ADGRV1: variants seen among roughly 807,000 people sequenced by gnomAD.
ADGRV1 encodes G-protein coupled receptor 98.
ADGRV1 carries 359 observed loss-of-function variants against 596.2 expected under a neutral mutation model. The observed-to-expected ratio is 0.60, with a 90% CI of 0.55 to 0.66. The LOEUF (loss-of-function observed/expected upper bound fraction) is 0.66, where lower values mean the gene tolerates loss of function less well. Ranked by LOEUF, ADGRV1 falls within the 30% of genes least tolerant of loss-of-function variation. ADGRV1 has a pLI of 0.00. For synonymous variants in ADGRV1, 2,681 were observed against 2,679.2 expected (o/e 1.00, Z -0.02); for missense variants, 7,274 against 7,575.6 (o/e 0.96, Z 1.48).
At chr5:90,742,545 T>C (rs547767783) in intron 50 of ADGRV1, among the ~76,000 whole-genome samples, 8 of 152,246 alleles carry the variant, frequency 5.3e-5, no homozygotes, top group African/African-American at 1.9e-4. Flanking sequence ...CCTAAAAGTA[T>C]TGAGATGCCT....
At chr5:90,912,212 T>A (rs573943388) in intron 83 of ADGRV1, among the ~76,000 whole-genome samples, 5 of 152,058 alleles carry the variant, frequency 3.3e-5, no homozygotes, top group African/African-American at 1.2e-4. Context: ...AGACCAGTGG[T>A]GAAAGCAGAA....
At chr5:90,693,398 T>A (rs891742733) in intron 32 of ADGRV1, among the ~76,000 whole-genome samples, 2 of 152,150 alleles carry the variant, frequency 1.3e-5, no homozygotes, top group East Asian at 3.9e-4. Context: ...ACAATGTAAA[T>A]GCTATATAAA....
At chr5:90,866,894 C>A (rs1768175398) in intron 83 of ADGRV1, among the ~76,000 whole-genome samples, 1 of 151,992 alleles carries the variant, frequency 6.6e-6, no homozygotes, top group South Asian at 2.1e-4. Flanking sequence ...TTCTTCAATA[C>A]CAAGTTATTT....
chr5:90,649,985 A>G (rs554682353), intron 17 of ADGRV1, among the ~76,000 whole-genome samples: 13 of 152,360 alleles, frequency 8.5e-5, no homozygotes, highest in Admixed American at 8.5e-4. Flanking sequence ...AGAAATGATG[A>G]CATTTGAGAA....
chr5:91,093,154 C>T (rs148476782), intron 86 of ADGRV1, among the ~76,000 whole-genome samples: 14 of 152,290 alleles, frequency 9.2e-5, no homozygotes, highest in African/African-American at 2.6e-4. Flanking sequence ...TCAGGACTTA[C>T]GGTACAGAGA....
In ADGRV1 at chr5:90,653,467, C is replaced by A. The variant is rs768556172; in HGVS notation, c.3893C>A (p.Pro1298Gln). ...LSSEFPAGLPPMIDFLLVGIF... is the reference protein window; with the variant it reads ...LSSEFPAGLPQMIDFLLVGIF... ...AGTGAGTTCCCTGCTGGTTTGCCAC[C>A]AATGATAGATTTTTTACTGGTTGGA... The change falls in exon 20 of 90, where the codon CCA (proline) becomes CAA (glutamine). Residue 1298 changes from proline (P) to glutamine (Q), a missense_variant. Around this residue, in one of 5 missense-constraint regions of ADGRV1, gnomAD observed 1,715 missense variants for 1,708.8 expected, o/e 1.00. Transcript: ENST00000405460. The A allele has an allele frequency of 6.2e-7, 1 of 1,613,770 alleles. No individual in the cohort carries two copies. Among genetic ancestry groups the A allele is most frequent in the Non-Finnish European group, 8.5e-7 (1 of 1,179,888 alleles).
At position 90,778,557 on chromosome 5, in the gene ADGRV1, A is replaced by G. The variant is rs376605741; in HGVS notation, c.12797A>G (p.Tyr4266Cys). ...NITVVASDSP[Y>C]GRFAFSHEQL... ...ACGGTGGTGGCCAGCGACTCTCCCT[A>G]TGGCCGATTTGCCTTTTCACATGAG... The change falls in exon 63 of 90, where the codon TAT becomes TGT. Residue 4266 changes from tyrosine (Y) to cysteine (C), a missense_variant. Around this residue, in one of 5 missense-constraint regions of ADGRV1, gnomAD observed 3,643 missense variants for 3,809.2 expected, o/e 0.96. Transcript: ENST00000405460. The G allele has an allele frequency of 3.7e-6, 6 of 1,611,372 alleles. No homozygotes were observed. The African/African-American group carries it at 4.0e-5, about 11-fold the overall frequency.
chr5:90,943,757 C>T (rs1187521971), intron 83 of ADGRV1, among the ~76,000 whole-genome samples: 1 of 152,134 alleles, frequency 6.6e-6, no homozygotes, highest in African/African-American at 2.4e-5. Context: ...CATTCCTACC[C>T]CTTCCTTTGT....
chr5:90,915,039 A>G (rs570306869), intron 83 of ADGRV1, among the ~76,000 whole-genome samples: 49 of 152,358 alleles, frequency 3.2e-4, no homozygotes, highest in African/African-American at 8.4e-4. Context: ...AAATATCTCC[A>G]TAATAAAATA....
chr5:90,621,232 C>T (rs1172458616), intron 4 of ADGRV1, among the ~76,000 whole-genome samples: 1 of 152,122 alleles, frequency 6.6e-6, no homozygotes, highest in Middle Eastern at 3.2e-3. Context: ...CAATACTTCC[C>T]AGCTTTTCAT....
rs10065901 is a variant in ADGRV1 at position 91,064,914 on chromosome 5, C to T, written c.18153-7533C>T. 9.2e-4 allele frequency among the ~76,000 whole-genome samples: 139 copies of T among 151,888 alleles called. 1 individual carries two copies. The highest frequency in any genetic ancestry group is 2.9e-3 in the African/African-American group (118 of 41,382). ...ATGCATGCATGCATAAATTCACAGG[C>T]GAATAAAAATGTATGTTAAATAAGA... is the stretch of plus-strand genomic sequence containing the variant. On this transcript the variant is annotated intron_variant, in intron 85 of 89. Coordinates refer to ENST00000405460, the MANE Select transcript of ADGRV1 (RefSeq NM_032119.4).
chr5:90,879,603 CT>C (rs1018111062), intron 83 of ADGRV1, among the ~76,000 whole-genome samples: 14 of 150,894 alleles, frequency 9.3e-5, no homozygotes, highest in South Asian at 4.2e-4. Context: ...CTATTTTATG[CT>C]TTTTTTTTCT....
chr5:90,791,101 G>C lies in ADGRV1; in HGVS notation c.14272G>C (p.Asp4758His), dbSNP rs528934737. The C allele has an allele frequency of 6.2e-7, 1 of 1,613,942 alleles. No homozygotes were observed. Among genetic ancestry groups the C allele is most frequent in the Admixed American group, 1.7e-5 (1 of 59,998 alleles). Residue 4758 changes from aspartate (D) to histidine (H), a missense_variant, in exon 70 of 90, where the codon GAT becomes CAT. Asp to His is a moderately conservative substitution (Grantham distance 81). This residue lies in a region of ADGRV1 where 1,874 missense variants were observed against 1,970.2 expected (regional missense o/e 0.95). Transcript: ENST00000405460. Reference protein sequence around the residue: ...SITWFSVYANDDPHGVFALYS... With the variant: ...SITWFSVYANHDPHGVFALYS... ...CACATGGTTCTCTGTTTATGCAAAT[G>C]ATGACCCACATGGAGTATTTGCCCT... is the stretch of plus-strand genomic sequence containing the variant.
In ADGRV1 at chr5:90,774,273, A is replaced by G. The variant is rs766991551; in HGVS notation, c.12373A>G (p.Ile4125Val). The change falls in exon 60 of 90, where the codon ATT (isoleucine) becomes GTT (valine). Residue 4125 changes from isoleucine (I) to valine (V), a missense_variant. By Grantham distance (29) the Ile-to-Val change is conservative. Transcript: ENST00000405460. ...DRRFTIQLIS[I>V]DEVEISPVKG... is the part of the protein sequence containing the mutation. The stretch of plus-strand genomic sequence containing the variant: ...GCGTTTCACCATTCAGCTGATATCA[A>G]TTGATGAGGTAGAAATATCTCCAGT... 55 of 1,596,226 alleles carry G rather than the reference A, an allele frequency of 3.4e-5. No individual in the cohort carries two copies. The highest frequency in any genetic ancestry group is 2.4e-4 in the South Asian group (22 of 90,748).
intron 1 of ADGRV1, among the ~76,000 whole-genome samples, chr5:90,561,167 A>C (rs754307770): frequency 4.6e-5 from 7 of 152,152 alleles, no homozygotes; most frequent in Non-Finnish European, 1.0e-4. Flanking sequence ...AGGCAGAGAG[A>C]TCTATGCCCT....
intron 87 of ADGRV1, among the ~76,000 whole-genome samples, chr5:91,138,884 G>A (rs1191505728): frequency 6.6e-6 from 1 of 151,378 alleles, no homozygotes; most frequent in African/African-American, 2.4e-5. Context: ...CAATTCTTGT[G>A]CCTCAGCTTC....
intron 33 of ADGRV1, among the ~76,000 whole-genome samples, chr5:90,695,106 G>A (rs1334424133): frequency 6.6e-6 from 1 of 152,064 alleles, no homozygotes. Flanking sequence ...AGTATTAATT[G>A]ATAAACATTT....
At chr5:90,591,474 T>C (rs566778124) in intron 1 of ADGRV1, among the ~76,000 whole-genome samples, 1 of 152,308 alleles carries the variant, frequency 6.6e-6, no homozygotes, top group South Asian at 2.1e-4. Flanking sequence ...ACTGGTTAGA[T>C]AAAATAGTTA....
In ADGRV1 at chr5:91,153,323, GGATATGGCCAGGGGTCACT is replaced by G. The variant is rs796051865; in HGVS notation, c.18732_18750del (p.Tyr6244Ter). 16 of 1,612,654 alleles carry G rather than the reference GGATATGGCCAGGGGTCACT, an allele frequency of 9.9e-6. No individual in the cohort carries two copies. The highest frequency in any genetic ancestry group is 1.3e-5 in the African/African-American group (1 of 74,902). On this transcript the variant is annotated frameshift_variant, in exon 89 of 90. Coordinates refer to ENST00000405460, the MANE Select transcript of ADGRV1 (RefSeq NM_032119.4). LOFTEE classifies it high-confidence loss of function. ...TGGAGCCACGTTCCCGTCCTCTGGAGGATATGGCCAGGGGTCACTGATAGCCGATGAGGAGTCCCAGGAG... is the reference window on the plus strand; with the variant it reads ...TGGAGCCACGTTCCCGTCCTCTGGAGGATAGCCGATGAGGAGTCCCAGGAG...
Sources: gnomAD v4.1 joint callset for allele counts (sites outside exome capture counted in the v4.1 genomes callset) on GRCh38, gnomAD v4.1.1 for gene constraint, gnomAD v4.1.1 regional missense constraint, MANE v1.5 for transcripts, NCBI Gene and HGNC (gene_info 2026-07-23, HGNC 2026-07-21) for gene names.